The following STK35 variants were observed in gnomAD, a reference collection of about 807,000 sequenced individuals.
The protein encoded by STK35 is serine/threonine kinase 35, also known as serine/threonine-protein kinase 35.
STK35 carries 17 observed loss-of-function variants against 37.3 expected under a neutral mutation model. The ratio of observed to expected loss-of-function variants is 0.46; its 90% confidence interval spans 0.31 to 0.68. The LOEUF is 0.68. STK35 is among the 30% of genes least tolerant of loss of function. The probability of loss-of-function intolerance (pLI) is 0.05; values close to 1 mark genes in which losing one functional copy is unlikely to be tolerated. For missense variants in STK35, 595 were observed against 746.7 expected (o/e 0.80, Z 2.37); for synonymous variants, 385 against 319.1 (o/e 1.21, Z -2.20).
In STK35 at chr20:2,109,312, G is replaced by T. The variant is rs571793976; in HGVS notation, c.892+5947G>T. 7.2e-5 allele frequency among the ~76,000 whole-genome samples: 11 copies of T among 152,336 alleles called. No homozygotes were observed. The East Asian group carries it at 1.9e-3, about 27-fold the overall frequency. ...GGTGTGTGGCAAGGCCCATGCATAT[G>T]GAGAGAGATACTTGAGCCCGGACTG... On this transcript the variant is annotated intron_variant, in intron 2 of 3. Transcript: ENST00000381482.
chr20:2,111,073 G>A (rs921072039), intron 2 of STK35, among the ~76,000 whole-genome samples: 4 of 152,286 alleles, frequency 2.6e-5, no homozygotes, highest in Non-Finnish European at 4.4e-5. Flanking sequence ...TATGTGACAA[G>A]TTATTAAATC....
intron 3 of STK35, among the ~76,000 whole-genome samples, chr20:2,123,015 T>C (rs1216411039): frequency 6.6e-6 from 1 of 152,182 alleles, no homozygotes; most frequent in Non-Finnish European, 1.5e-5. Flanking sequence ...GCCACAGCCT[T>C]TTATCCCATG....
intron 1 of STK35, among the ~76,000 whole-genome samples, chr20:2,102,487 G>A (rs1221300144): frequency 2.0e-5 from 3 of 152,240 alleles, no homozygotes; most frequent in Non-Finnish European, 2.9e-5. Flanking sequence ...GTTTTCAGAA[G>A]GCGTGAAGCT....
chr20:2,111,070 CAA>C (rs1181696341), intron 2 of STK35, among the ~76,000 whole-genome samples: 2 of 152,186 alleles, frequency 1.3e-5, no homozygotes, highest in African/African-American at 4.8e-5. Flanking sequence ...TCTTATGTGA[CAA>C]GTTATTAAAT....
At position 2,146,154 on chromosome 20, in the gene STK35, T is replaced by TGCCC. The variant is rs1017782334; in HGVS notation, c.*2409_*2412dup. The TGCCC allele has an allele frequency of 1.3e-5, 2 of 152,254 alleles. No individual in the cohort carries two copies. Among genetic ancestry groups the TGCCC allele is most frequent in the African/African-American group, 4.8e-5 (2 of 41,458 alleles). The allele number at this position is 152,254 out of a possible 1,614,324, so 9.4% of individuals were successfully genotyped here. A position where few individuals can be genotyped will look rare whatever the true frequency, so the allele number is the denominator to read the frequency against. The stretch of plus-strand genomic sequence containing the variant: ...GGCCAGCGTTTTAGCCCCAAGTGCC[T>TGCCC]GCCCTTGCTTCTTACCCCTCCCCTG... On this transcript the variant is annotated 3_prime_UTR_variant, in exon 4 of 4. Transcript: ENST00000381482.
At position 2,129,624 on chromosome 20, in the gene STK35, CGTG is replaced by C. The variant is rs370103704; in HGVS notation, c.*37+12212_*37+12214del. The stretch of plus-strand genomic sequence containing the variant: ...ATAACACATGGGTGAAAAAAGCAGA[CGTG>C]GTCCTCACCCTTGAGGCACTGAGTT... On this transcript the variant is annotated intron_variant, in intron 3 of 3. Transcript: ENST00000381482. Among the ~76,000 whole-genome samples, 31 of 152,206 alleles carry C rather than the reference CGTG, an allele frequency of 2.0e-4. No homozygotes were observed. The East Asian group carries it at 4.8e-3, about 24-fold the overall frequency.
At chr20:2,128,413 C>A (rs913719644) in intron 3 of STK35, among the ~76,000 whole-genome samples, 1 of 152,126 alleles carries the variant, frequency 6.6e-6, no homozygotes, top group Admixed American at 6.5e-5. Context: ...AGTCACTCCT[C>A]CAGAGAACCA....
chr20:2,122,834 C>T (rs909297549), intron 3 of STK35, among the ~76,000 whole-genome samples: 4 of 152,208 alleles, frequency 2.6e-5, no homozygotes, highest in African/African-American at 4.8e-5. Flanking sequence ...TTGTGGATTG[C>T]CAAATAGCTT....
chr20:2,143,115 C>T (rs975557112), intron 3 of STK35, among the ~76,000 whole-genome samples: 9 of 152,186 alleles, frequency 5.9e-5, no homozygotes, highest in Non-Finnish European at 1.0e-4. Context: ...CCCCCACAGT[C>T]GAGGGGCAGC....
rs1432803669 is a variant in STK35, at chr20:2,102,793, C to G, written c.320C>G (p.Pro107Arg). 1.3e-6 allele frequency: 2 copies of G among 1,488,346 alleles called. No individual in the cohort carries two copies. The highest frequency in any genetic ancestry group is 2.5e-5 in the South Asian group (2 of 79,984). 92.2% of individuals were successfully genotyped at this position (1,488,346 alleles called of 1,614,324 possible). ...GQVTIQGPAPPRPRAGRRDEA... is the reference protein window; with the variant it reads ...GQVTIQGPAPRRPRAGRRDEA... ...GTCACAATCCAAGGTCCGGCTCCTC[C>G]GCGTCCCAGGGCCGGACGGAGGGAT... The change falls in exon 2 of 4, where the codon CCG (proline) becomes CGG (arginine). Residue 107 changes from proline to arginine, a missense_variant. Transcript: ENST00000381482.
intron 3 of STK35, among the ~76,000 whole-genome samples, chr20:2,125,986 C>T (rs1985898905): frequency 6.6e-6 from 1 of 152,250 alleles, no homozygotes; most frequent in African/African-American, 2.4e-5. Flanking sequence ...TCATACGTGT[C>T]TGTGGTCCTG....
At position 2,127,861 on chromosome 20, in the gene STK35, A is replaced by G. The variant is rs146232067; in HGVS notation, c.*37+10446A>G. Among the ~76,000 whole-genome samples the G allele has an allele frequency of 4.9e-3, 739 of 152,302 alleles. 6 individuals are homozygous for G. The highest frequency in any genetic ancestry group is 4.4e-3 in the Non-Finnish European group (302 of 68,030). ...CCAGATGTGAGTCTTGAGCCTAATT[A>G]TATGAACCTGGGTGAAGTTTTAACC... On this transcript the variant is annotated intron_variant, in intron 3 of 3. Transcript: ENST00000381482.
At chr20:2,125,605 A>T (rs1043185376) in intron 3 of STK35, among the ~76,000 whole-genome samples, 1 of 152,248 alleles carries the variant, frequency 6.6e-6, no homozygotes, top group Non-Finnish European at 1.5e-5. Context: ...CAGGGCTGCC[A>T]TGGGTGTCCT....
chr20:2,142,728 G>A (rs770307095), intron 3 of STK35, among the ~76,000 whole-genome samples: 1 of 152,220 alleles, frequency 6.6e-6, no homozygotes, highest in African/African-American at 2.4e-5. Flanking sequence ...CTGTACTCCA[G>A]CCTGGGTGAC....
In STK35 at chr20:2,117,526, C is replaced by G; in HGVS notation, c.*37+111C>G. On this transcript the variant is annotated intron_variant, in intron 3 of 3. Transcript: ENST00000381482. The surrounding 1 kb of genome is among the most constrained non-coding windows in gnomAD (Gnocchi z 4.4). ...GTGGCAGGATCTCAGCTCACTGCAA[C>G]CTCCACCTCCCGAGTTCAAGTGATT... is the stretch of plus-strand genomic sequence containing the variant. 5 of 586,798 alleles carry G rather than the reference C, an allele frequency of 8.5e-6. No homozygotes were observed. Among genetic ancestry groups the G allele is most frequent in the Non-Finnish European group, 1.2e-5 (4 of 344,412 alleles). The allele number at this position is 586,798 out of a possible 1,614,324, so 36.3% of individuals were successfully genotyped here. A position where few individuals can be genotyped will look rare whatever the true frequency, so the allele number is the denominator to read the frequency against.
At chr20:2,129,549 TAATTTTTTG>T (rs1258988916) in intron 3 of STK35, among the ~76,000 whole-genome samples, 1 of 152,132 alleles carries the variant, frequency 6.6e-6, no homozygotes, top group Non-Finnish European at 1.5e-5. Context: ...GGGGACCCGT[TAATTTTTTG>T]ATCAACTGTG....
chr20:2,102,086 C>CGGTCCG lies in STK35; in HGVS notation c.207_208insTCCGGG (p.Arg69_Arg70insSerGly). The stretch of plus-strand genomic sequence containing the variant: ...CGCCACCTCCCGCGCTGCTCGGTCC[C>CGGTCCG]GGAGGCAGCCCGGGCCCGGAGCGGA... On this transcript the variant is annotated inframe_insertion, in exon 1 of 4. Coordinates refer to ENST00000381482, the MANE Select transcript of STK35 (RefSeq NM_080836.4). 6.6e-7 allele frequency: 1 copy of CGGTCCG among 1,508,444 alleles called. No individual in the cohort carries two copies. Among genetic ancestry groups the CGGTCCG allele is most frequent in the Non-Finnish European group, 8.8e-7 (1 of 1,132,182 alleles). 93.4% of individuals were successfully genotyped at this position (1,508,444 alleles called of 1,614,324 possible).
At chr20:2,136,738 T>G (rs1188870326) in intron 3 of STK35, among the ~76,000 whole-genome samples, 1 of 152,234 alleles carries the variant, frequency 6.6e-6, no homozygotes, top group East Asian at 1.9e-4. Context: ...CTTGGTCACC[T>G]GAGAGGCTTA....
rs969741657 is a variant in STK35 at position 2,117,894 on chromosome 20, G to A, written c.*37+479G>A. ...CCCCCCATATCTTGATGGGAGAAAC[G>A]TGCAATTATCTGAGTACACGTTGGA... On this transcript the variant is annotated intron_variant, in intron 3 of 3. Coordinates refer to ENST00000381482, the MANE Select transcript of STK35 (RefSeq NM_080836.4). The surrounding 1 kb of genome is among the most constrained non-coding windows in gnomAD (Gnocchi z 4.4). 1.1e-4 allele frequency among the ~76,000 whole-genome samples: 17 copies of A among 152,158 alleles called. No homozygotes were observed. Among genetic ancestry groups the A allele is most frequent in the African/African-American group, 3.4e-4 (14 of 41,414 alleles).
Sources: gnomAD v4.1 joint callset for allele counts (sites outside exome capture counted in the v4.1 genomes callset) on GRCh38, gnomAD v4.1.1 for gene constraint, Gnocchi (gnomAD v3.1) non-coding constraint, MANE v1.5 for transcripts, NCBI Gene and HGNC (gene_info 2026-07-23, HGNC 2026-07-21) for gene names.